The following TEX11 variants were observed in gnomAD, a reference collection of about 807,000 sequenced individuals.
TEX11 encodes the protein testis expressed 11.
Under a neutral mutation model 84.4 loss-of-function variants are expected in TEX11, and 7 were observed. That is an observed-to-expected ratio of 0.08 (90% CI 0.05 to 0.16). The LOEUF (loss-of-function observed/expected upper bound fraction) is 0.16. TEX11 is among the 10% of genes least tolerant of loss of function. The probability of loss-of-function intolerance (pLI) is 1.00; values close to 1 mark genes in which losing one functional copy is unlikely to be tolerated. For missense variants in TEX11, 551 were observed against 660.5 expected, an observed-to-expected ratio of 0.83 and a Z score of 1.82; for synonymous variants, 264 against 222.8, an observed-to-expected ratio of 1.18 and a Z score of -1.64.
intron 18 of TEX11, among the ~76,000 whole-genome samples, chrX:70,628,684 T>C (rs1172068827): frequency 8.9e-6 from 1 of 112,161 alleles, no homozygotes; most frequent in Non-Finnish European, 1.9e-5. Context: ...AAATACAGTT[T>C]GAATGATATG....
chrX:70,634,712 CA>C (rs200844454), intron 17 of TEX11, among the ~76,000 whole-genome samples: 7,821 of 65,950 alleles, frequency 0.12, 392 homozygotes, highest in Admixed American at 0.33. Flanking sequence ...TAGTCATGTG[CA>C]AAAAAAAAAA....
intron 2 of TEX11, among the ~76,000 whole-genome samples, chrX:70,887,051 C>A (rs751407719): frequency 8.9e-6 from 1 of 111,852 alleles, no homozygotes; most frequent in Non-Finnish European, 1.9e-5. Flanking sequence ...TGGGTATGTA[C>A]TCCCTGGTTA....
intron 17 of TEX11, among the ~76,000 whole-genome samples, chrX:70,646,982 C>T (rs369858212): frequency 2.6e-4 from 29 of 111,647 alleles, no homozygotes; most frequent in African/African-American, 9.1e-4. Context: ...ATCAACTTAA[C>T]TGTTTATCGG....
At chrX:70,717,149 C>G (rs1350050341) in intron 13 of TEX11, among the ~76,000 whole-genome samples, 1 of 96,922 alleles carries the variant, frequency 1.0e-5, no homozygotes, top group Non-Finnish European at 2.1e-5. Context: ...CCTAATGAAG[C>G]TTGACTGTAA....
At chrX:70,885,269 A>C (rs761498226) in intron 2 of TEX11, among the ~76,000 whole-genome samples, 17 of 111,753 alleles carry the variant, frequency 1.5e-4, no homozygotes, top group African/African-American at 5.2e-4. Context: ...ATGAAAAACC[A>C]GGCAAAGATG....
At chrX:70,843,611 A>T (rs1281767279) in intron 7 of TEX11, among the ~76,000 whole-genome samples, 3 of 111,804 alleles carry the variant, frequency 2.7e-5, no homozygotes, top group Non-Finnish European at 5.6e-5. Flanking sequence ...GACAAATGGG[A>T]TCCAATTAAA....
chrX:70,861,271 C>T (rs2091568112), intron 4 of TEX11, among the ~76,000 whole-genome samples: 1 of 106,521 alleles, frequency 9.4e-6, no homozygotes, highest in Non-Finnish European at 1.9e-5. Context: ...CCGTTTTAGC[C>T]GGGATGGTCT....
chrX:70,572,701 G>A (rs749224613), intron 25 of TEX11, among the ~76,000 whole-genome samples: 107 of 109,471 alleles, frequency 9.8e-4, no homozygotes, highest in African/African-American at 3.5e-3. Flanking sequence ...GTCCTTTGTA[G>A]GGACATGGAT....
At chrX:70,549,383 C>T (rs1343752846) in intron 28 of TEX11, among the ~76,000 whole-genome samples, 1 of 110,886 alleles carries the variant, frequency 9.0e-6, no homozygotes, top group Non-Finnish European at 1.9e-5. Flanking sequence ...TTGAGAAAAG[C>T]AGAGGGAAGA....
chrX:70,529,795 C>G (rs1490127720), intron 29 of TEX11, 40 bp downstream of exon 29: 3 of 1,164,920 alleles, frequency 2.6e-6, no homozygotes, highest in South Asian at 2.0e-5. Flanking sequence ...CCTCTTGCCC[C>G]CTAGGTCATG....
chrX:70,517,757 AT>A, the TEX11 span, among the ~76,000 whole-genome samples: 1 of 110,424 alleles, frequency 9.1e-6, no homozygotes, highest in African/African-American at 3.3e-5. Context: ...GGTCCTGTAC[AT>A]TTTTGGTTGG....
chrX:70,742,279 T>A (rs1490912893), intron 10 of TEX11, among the ~76,000 whole-genome samples: 1 of 109,968 alleles, frequency 9.1e-6, no homozygotes, highest in African/African-American at 3.3e-5. Flanking sequence ...AGAACATCCA[T>A]ATCGTTGCAA....
intron 13 of TEX11, among the ~76,000 whole-genome samples, chrX:70,702,859 G>A (rs2090337693): frequency 9.0e-6 from 1 of 111,111 alleles, no homozygotes; most frequent in African/African-American, 3.3e-5. Context: ...CCTCTGTAGG[G>A]TAAAAGACAG....
At chrX:70,853,213 A>C (rs2091518221) in intron 6 of TEX11, 35 bp downstream of exon 6, 1 of 1,206,565 alleles carries the variant, frequency 8.3e-7, no homozygotes, top group East Asian at 3.0e-5. Flanking sequence ...GTTACTACTA[A>C]TAATTGCCTC....
At chrX:70,804,971 C>CTT (rs748863855) in intron 9 of TEX11, among the ~76,000 whole-genome samples, 101 of 68,159 alleles carry the variant, frequency 1.5e-3, no homozygotes, top group African/African-American at 2.9e-3. Context: ...CACCAGCATC[C>CTT]TTTTTTTTTT....
chrX:70,621,403 C>T (rs1288674281), intron 20 of TEX11, among the ~76,000 whole-genome samples: 1 of 100,707 alleles, frequency 9.9e-6, no homozygotes, highest in African/African-American at 3.7e-5. Flanking sequence ...TGCCTGTAGT[C>T]CCAGCTACTC....
chrX:70,701,171 T>C (rs1017742096), intron 13 of TEX11, among the ~76,000 whole-genome samples: 5 of 112,441 alleles, frequency 4.4e-5, no homozygotes, highest in Non-Finnish European at 9.4e-5. Flanking sequence ...ATTTTCAACA[T>C]AGATGAAACA....
At chrX:70,663,848 G>T (rs751162764) in intron 16 of TEX11, among the ~76,000 whole-genome samples, 1 of 111,062 alleles carries the variant, frequency 9.0e-6, no homozygotes, top group South Asian at 3.8e-4. Flanking sequence ...TTGTTCCCTC[G>T]TATCTTTAGA....
At chrX:70,903,586 C>T (rs183932190) in intron 2 of TEX11, among the ~76,000 whole-genome samples, 62 of 110,494 alleles carry the variant, frequency 5.6e-4, no homozygotes, top group Non-Finnish European at 1.0e-3. Flanking sequence ...CTGGGTACCA[C>T]ACTTTAAGAA....
Sources: allele counts gnomAD v4.1 joint callset (sites outside exome capture counted in the v4.1 genomes callset), GRCh38; gene constraint gnomAD v4.1.1; transcripts MANE v1.5; gene names NCBI Gene and HGNC (gene_info 2026-07-23, HGNC 2026-07-21).